Variants in TUT4 observed in about 807,000 individuals in gnomAD.
TUT4 encodes the protein terminal uridylyl transferase 4.
Under a neutral mutation model 192.2 loss-of-function variants are expected in TUT4, and 36 were observed. The ratio of observed to expected loss-of-function variants is 0.19; its 90% CI spans 0.14 to 0.25. TUT4 has a LOEUF of 0.25. TUT4 is among the 10% of genes least tolerant of loss of function. The pLI, the probability that TUT4 is intolerant of heterozygous loss-of-function variation, is 1.00. For missense variants in TUT4, 1,493 were observed against 1,957.2 expected, an observed-to-expected ratio of 0.76 and a Z score of 4.47; for synonymous variants, 618 against 666.0, an observed-to-expected ratio of 0.93 and a Z score of 1.11.
intron 14 of TUT4, among the ~76,000 whole-genome samples, chr1:52,471,686 C>CACAT (rs1665824780): frequency 1.3e-5 from 2 of 152,068 alleles, no homozygotes; most frequent in Non-Finnish European, 2.9e-5. Context: ...AGTTAAAAGC[C>CACAT]ACATAGGCTA....
intron 7 of TUT4, among the ~76,000 whole-genome samples, chr1:52,493,073 T>C (rs1051360255): frequency 6.6e-6 from 1 of 152,188 alleles, no homozygotes; most frequent in Non-Finnish European, 1.5e-5. Flanking sequence ...GTTTTTTGCA[T>C]ATGAAGGTTT....
At chr1:52,550,521 A>C (rs1412303061) in intron 1 of TUT4, among the ~76,000 whole-genome samples, 1 of 56,346 alleles carries the variant, frequency 1.8e-5, no homozygotes, top group African/African-American at 7.8e-5. Flanking sequence ...TTTTTTGTTT[A>C]AGACAGGGTC....
chr1:52,425,593 G>A (rs1293188921), intron 28 of TUT4, 86 bp from the exon 29 acceptor site: 1 of 1,412,416 alleles, frequency 7.1e-7, no homozygotes, highest in Non-Finnish European at 9.4e-7. Flanking sequence ...GATATATTCA[G>A]TACCTACCAT....
At chr1:52,497,983 C>G (rs1035780671) in intron 4 of TUT4, among the ~76,000 whole-genome samples, 1 of 152,124 alleles carries the variant, frequency 6.6e-6, no homozygotes, top group Non-Finnish European at 1.5e-5. Flanking sequence ...TGAAACATGA[C>G]GCTCCCATCA....
intron 11 of TUT4, 149 bp downstream of exon 11, chr1:52,481,274 C>A: frequency 1.3e-6 from 1 of 777,102 alleles, no homozygotes; most frequent in African/African-American, 1.7e-5. Context: ...AAAAACTAAA[C>A]CAGATCAACC....
chr1:52,538,534 A>C (rs563561416), intron 1 of TUT4: 70 of 151,892 alleles, frequency 4.6e-4, no homozygotes, highest in African/African-American at 1.6e-3. Context: ...CTGTAGTCCC[A>C]GTCTCAGGAG....
Position 52,474,913 on chromosome 1 carries a change from A to G in TUT4, c.2646T>C (p.Ala882=), listed in dbSNP as rs1381505670. 6.2e-7 allele frequency: 1 copy of G among 1,614,138 alleles called. No individual in the cohort carries two copies. Among genetic ancestry groups the G allele is most frequent in the African/African-American group, 1.3e-5 (1 of 75,050 alleles). The change falls in exon 13 of 30, where the codon GCT becomes GCC. Residue 882 remains alanine (A), a synonymous_variant. Coordinates refer to ENST00000257177, the MANE Select transcript of TUT4 (RefSeq NM_001009881.3). ...TSCNCKATED[A]SDLNDDDNLP... The stretch of plus-strand genomic sequence containing the variant: ...GGTTATCATCATCATTAAGGTCAGA[A>G]GCATCTTCTGTAGCTTTGCAGTTGC...
chr1:52,473,684 C>T (rs1286104716), intron 13 of TUT4, among the ~76,000 whole-genome samples: 1 of 151,902 alleles, frequency 6.6e-6, no homozygotes, highest in African/African-American at 2.4e-5. Flanking sequence ...CTGGATAAGG[C>T]TAGATGACTT....
chr1:52,508,327 C>CA (rs34321361), intron 4 of TUT4, among the ~76,000 whole-genome samples: 12,605 of 78,266 alleles, frequency 0.16, 681 homozygotes, highest in East Asian at 0.22. Flanking sequence ...ACTCTGTCTC[C>CA]AAAAAAAAAA....
chr1:52,447,284 C>CTA (rs200113469), intron 20 of TUT4, among the ~76,000 whole-genome samples: 1,753 of 151,792 alleles, frequency 0.012, 35 homozygotes, highest in African/African-American at 0.04. Context: ...CCAGTGTCTA[C>CTA]TAAAGATACA....
rs114335438 is a variant in TUT4 at position 52,551,701 on chromosome 1, C to T, written c.-94+1230G>A. Among the ~76,000 whole-genome samples the T allele has an allele frequency of 4.2e-3, 619 of 147,070 alleles. 5 individuals carry two copies. Among genetic ancestry groups the T allele is most frequent in the African/African-American group, 0.016 (584 of 37,032 alleles). ...GCTCGCGCGCGCACACACACACATA[C>T]ACACACACACACAAAGTCGGCTTTT... On this transcript the variant is annotated intron_variant, in intron 1 of 29. Transcript: ENST00000257177.
intron 26 of TUT4, 77 bp downstream of exon 26, chr1:52,436,678 A>G (rs1653891454): frequency 6.3e-7 from 1 of 1,590,110 alleles, no homozygotes; most frequent in Non-Finnish European, 8.6e-7. Context: ...ACAGAGAGGA[A>G]TTAGGGTCAT....
At chr1:52,479,323 T>C (rs993583148) in intron 11 of TUT4, among the ~76,000 whole-genome samples, 2 of 152,170 alleles carry the variant, frequency 1.3e-5, no homozygotes, top group African/African-American at 2.4e-5. Flanking sequence ...GCTTAAGTTT[T>C]AGAAGAACTG....
intron 1 of TUT4, among the ~76,000 whole-genome samples, chr1:52,548,960 T>C (rs1489740869): frequency 6.6e-6 from 1 of 152,164 alleles, no homozygotes; most frequent in African/African-American, 2.4e-5. Flanking sequence ...TCCTAAGTAG[T>C]ATAACAAGGT....
intron 1 of TUT4, among the ~76,000 whole-genome samples, chr1:52,530,772 G>A (rs1053357981): frequency 1.3e-5 from 2 of 152,152 alleles, no homozygotes; most frequent in Non-Finnish European, 2.9e-5. Context: ...GGAGGCTGAG[G>A]TAGGCTGATT....
At chr1:52,489,572 T>G (rs1191496692) in intron 8 of TUT4, among the ~76,000 whole-genome samples, 2 of 152,220 alleles carry the variant, frequency 1.3e-5, no homozygotes, top group Non-Finnish European at 2.9e-5. Context: ...AACCCACAAA[T>G]TATACTTCTG....
chr1:52,426,929 A>G (rs1382276759), intron 28 of TUT4, among the ~76,000 whole-genome samples: 2 of 152,132 alleles, frequency 1.3e-5, no homozygotes, highest in African/African-American at 4.8e-5. Context: ...TTATTTTAAT[A>G]TATTTCCATT....
intron 20 of TUT4, among the ~76,000 whole-genome samples, chr1:52,447,375 G>A (rs921381610): frequency 6.6e-6 from 1 of 151,012 alleles, no homozygotes; most frequent in Non-Finnish European, 1.5e-5. Context: ...CTTGAACCTG[G>A]AAAGCAGAGG....
At chr1:52,507,109 C>T (rs1675812556) in intron 4 of TUT4, among the ~76,000 whole-genome samples, 1 of 152,188 alleles carries the variant, frequency 6.6e-6, no homozygotes, top group African/African-American at 2.4e-5. Flanking sequence ...AGGAAGAAGT[C>T]CTGTATGAGC....
Sources: gnomAD v4.1 joint callset for allele counts (sites outside exome capture counted in the v4.1 genomes callset) on GRCh38, gnomAD v4.1.1 for gene constraint, MANE v1.5 for transcripts, NCBI Gene and HGNC (gene_info 2026-07-23, HGNC 2026-07-21) for gene names.